The following MTUS1 variants were observed in gnomAD, a reference collection of about 807,000 sequenced individuals.
MTUS1 encodes microtubule-associated tumor suppressor 1.
In MTUS1, 109 loss-of-function variants were observed where a neutral mutation model predicts 120.8. The ratio of observed to expected loss-of-function variants is 0.90; its 90% confidence interval spans 0.77 to 1.06. MTUS1 has a LOEUF of 1.06. Among genes scored for constraint, MTUS1 ranks in the 50% least tolerant of loss-of-function variants. The pLI, the probability that MTUS1 is intolerant of heterozygous loss-of-function variation, is 0.00. For missense variants in MTUS1, 2,210 were observed against 1,486.3 expected (o/e 1.49, Z -8.01); for synonymous variants, 737 against 550.5 (o/e 1.34, Z -4.74).
chr8:17,725,762 A>G (rs889098355), intron 3 of MTUS1, among the ~76,000 whole-genome samples: 2 of 152,180 alleles, frequency 1.3e-5, no homozygotes, highest in African/African-American at 4.8e-5. Flanking sequence ...TTCTTAGAAC[A>G]TTATGAGATT....
In MTUS1 at chr8:17,679,356, C is replaced by CGT. The variant is rs10596467; in HGVS notation, c.2839-4106_2839-4105dup. Among the ~76,000 whole-genome samples, 341 of 112,582 alleles carry CGT rather than the reference C, an allele frequency of 3.0e-3. 1 individual carries two copies. The highest frequency in any genetic ancestry group is 7.4e-3 in the African/African-American group (263 of 35,634). 73.9% of individuals were successfully genotyped at this position (112,582 alleles called of 152,430 possible). ...ATATACATATGCATGTGTGCGCGCGCGTGTGTGTGTGTGTGTGTGTGTATA... is the reference window on the plus strand; with the variant it reads ...ATATACATATGCATGTGTGCGCGCGCGTGTGTGTGTGTGTGTGTGTGTGTATA... On this transcript the variant is annotated intron_variant, in intron 7 of 14. Coordinates refer to ENST00000693296, the MANE Select transcript of MTUS1 (RefSeq NM_001363059.2).
At chr8:17,695,681 A>G (rs1817799783) in intron 6 of MTUS1, among the ~76,000 whole-genome samples, 2 of 152,226 alleles carry the variant, frequency 1.3e-5, no homozygotes, top group Non-Finnish European at 2.9e-5. Flanking sequence ...TTACCCAATA[A>G]TGGAATGTTA....
At position 17,674,980 on chromosome 8, in the gene MTUS1, G is replaced by C. The variant is rs116124480; in HGVS notation, c.2905+206C>G. 237 of 1,384,662 alleles carry C rather than the reference G, an allele frequency of 1.7e-4. No homozygotes were observed. The African/African-American group carries it at 3.0e-3, about 18-fold the overall frequency. The allele number at this position is 1,384,662 out of a possible 1,614,324, so 85.8% of individuals were successfully genotyped here. A position where few individuals can be genotyped will look rare whatever the true frequency, so the allele number is the denominator to read the frequency against. On this transcript the variant is annotated intron_variant, in intron 8 of 14. Transcript: ENST00000693296. ...TCAGAAGTTCTGCTAGGCTTAGTCA[G>C]ATCAGTGCCAGGAATTCTGTGAACT... is the stretch of plus-strand genomic sequence containing the variant.
rs61999336 is a variant in MTUS1 at position 17,654,646 on chromosome 8, C to T, written c.3129G>A (p.Ala1043=). The T allele has an allele frequency of 9.3e-3, 15,069 of 1,613,534 alleles. 80 individuals carry two copies. Among genetic ancestry groups the T allele is most frequent in the Non-Finnish European group, 0.011 (13,397 of 1,179,430 alleles). The change falls in exon 10 of 15, where the codon GCG becomes GCA. Residue 1043 remains alanine, a synonymous_variant. Coordinates refer to ENST00000693296, the MANE Select transcript of MTUS1 (RefSeq NM_001363059.2). ...CAATTTCCAACTTAGAGGTTTCATG[C>T]GCAGCATTTAAGTTGTCAAACTGTA... The part of the protein sequence containing the change: ...LQEQFDNLNA[A]HETSKLEIEA...
chr8:17,710,006 CAA>C (rs111339314), intron 6 of MTUS1, among the ~76,000 whole-genome samples: 5,257 of 141,630 alleles, frequency 0.037, 125 homozygotes, highest in Middle Eastern at 0.056. Context: ...GACTCTGTCT[CAA>C]AAAAAAAAAA....
chr8:17,646,309 C>T (rs1039031929), intron 14 of MTUS1, among the ~76,000 whole-genome samples, 170 bp from the exon 15 acceptor site: 5 of 152,096 alleles, frequency 3.3e-5, no homozygotes, highest in Non-Finnish European at 7.4e-5. Context: ...AAACACAGGC[C>T]GGGCGTGGTG....
intron 1 of MTUS1, among the ~76,000 whole-genome samples, chr8:17,786,101 A>G (rs1287973993): frequency 6.6e-6 from 1 of 152,180 alleles, no homozygotes; most frequent in Non-Finnish European, 1.5e-5. Flanking sequence ...GACTGTGCCA[A>G]AGCACTCCAG....
intron 1 of MTUS1, among the ~76,000 whole-genome samples, chr8:17,796,928 A>G (rs1391869115): frequency 6.6e-6 from 1 of 152,194 alleles, no homozygotes; most frequent in South Asian, 2.1e-4. Flanking sequence ...GTTGGCCAAC[A>G]TGGTGAAACC....
chr8:17,764,722 C>T (rs530218027), intron 1 of MTUS1, among the ~76,000 whole-genome samples: 42 of 152,334 alleles, frequency 2.8e-4, no homozygotes, highest in African/African-American at 1.0e-3. Flanking sequence ...ACAAGCGCAA[C>T]TGCATCCCAG....
chr8:17,660,726 G>A (rs1809498101), intron 8 of MTUS1, among the ~76,000 whole-genome samples: 1 of 152,076 alleles, frequency 6.6e-6, no homozygotes, highest in Admixed American at 6.5e-5. Context: ...ATATGTAACA[G>A]CCATCCTAAT....
intron 4 of MTUS1, among the ~76,000 whole-genome samples, chr8:17,718,460 C>T (rs1251491236): frequency 1.3e-5 from 2 of 152,086 alleles, no homozygotes; most frequent in African/African-American, 4.8e-5. Context: ...TGGGAATAGA[C>T]AGTGCATTCG....
At chr8:17,682,442 C>T (rs1050076468) in intron 7 of MTUS1, among the ~76,000 whole-genome samples, 5 of 144,532 alleles carry the variant, frequency 3.5e-5, no homozygotes, top group South Asian at 4.4e-4. Context: ...CACTTGAACC[C>T]GGGAGGTGGA....
intron 13 of MTUS1, 94 bp from the exon 14 acceptor site, chr8:17,647,173 A>G: frequency 1.1e-6 from 1 of 922,444 alleles, no homozygotes; most frequent in East Asian, 2.5e-5. Context: ...CACTTTGGAG[A>G]TTTAATTAAG....
At position 17,755,154 on chromosome 8, in the gene MTUS1, T is replaced by C. The variant is rs1268005667; in HGVS notation, c.654A>G (p.Ala218=). 1.2e-6 allele frequency: 2 copies of C among 1,614,214 alleles called. No homozygotes were observed. The highest frequency in any genetic ancestry group is 2.2e-5 in the East Asian group (1 of 44,880). ...TTTCTCTATCATAAGTAGTTTCTCTTGCATGCGTCTTATCAGAATGGGAAG... is the reference window on the plus strand; with the variant it reads ...TTTCTCTATCATAAGTAGTTTCTCTCGCATGCGTCTTATCAGAATGGGAAG... ...WTSSHSDKTH[A]RETTYDRESF... is the part of the protein sequence containing the mutation. The change falls in exon 2 of 15, where the codon GCA becomes GCG. Residue 218 remains alanine, a synonymous_variant. Coordinates refer to ENST00000693296, the MANE Select transcript of MTUS1 (RefSeq NM_001363059.2).
At chr8:17,712,647 GGTCT>G (rs745982431) in intron 6 of MTUS1, among the ~76,000 whole-genome samples, 7 of 152,040 alleles carry the variant, frequency 4.6e-5, no homozygotes, top group South Asian at 4.1e-4. Context: ...CCTATCTGTC[GGTCT>G]GTCTGTCTGT....
chr8:17,672,334 G>C (rs1812201932), intron 8 of MTUS1, among the ~76,000 whole-genome samples: 2 of 151,958 alleles, frequency 1.3e-5, no homozygotes, highest in Admixed American at 6.6e-5. Flanking sequence ...ACCCACCCTT[G>C]GGGCAGACAA....
chr8:17,797,144 G>A (rs182026868), intron 1 of MTUS1, among the ~76,000 whole-genome samples: 7 of 152,176 alleles, frequency 4.6e-5, no homozygotes, highest in African/African-American at 9.6e-5. Flanking sequence ...GAGGGCGGTG[G>A]CTCATGCCTC....
At chr8:17,670,731 G>T (rs1355301203) in intron 8 of MTUS1, among the ~76,000 whole-genome samples, 1 of 152,090 alleles carries the variant, frequency 6.6e-6, no homozygotes, top group South Asian at 2.1e-4. Context: ...GCTGAGGCAG[G>T]AGAACTGCTT....
intron 1 of MTUS1, among the ~76,000 whole-genome samples, chr8:17,763,878 T>C (rs1224799617): frequency 6.6e-6 from 1 of 152,168 alleles, no homozygotes; most frequent in Non-Finnish European, 1.5e-5. Context: ...AACTCACACA[T>C]AATCCTTCAT....
Sources: gnomAD v4.1 joint callset for allele counts (sites outside exome capture counted in the v4.1 genomes callset) on GRCh38, gnomAD v4.1.1 for gene constraint, MANE v1.5 for transcripts, NCBI Gene and HGNC (gene_info 2026-07-23, HGNC 2026-07-21) for gene names.